The following FAM237A variants were observed in gnomAD, a reference collection of about 807,000 sequenced individuals.
FAM237A encodes family with sequence similarity 237 member A.
A neutral mutation model predicts 12.5 loss-of-function variants in FAM237A; 14 were observed. The ratio of observed to expected loss-of-function variants is 1.12; its 90% CI spans 0.74 to 1.75. The LOEUF is 1.75. Among genes scored for constraint, FAM237A ranks in the 40% most tolerant of loss-of-function variants. The probability of loss-of-function intolerance (pLI) is 0.00; values close to 1 mark genes in which losing one functional copy is unlikely to be tolerated. For synonymous variants in FAM237A, 85 were observed against 77.5 expected (o/e 1.10, Z -0.51); for missense variants, 240 against 211.7 (o/e 1.13, Z -0.83).
intron 2 of FAM237A, among the ~76,000 whole-genome samples, chr2:206,645,745 A>T (rs1397365683): frequency 6.6e-6 from 1 of 152,232 alleles, no homozygotes; most frequent in African/African-American, 2.4e-5. Context: ...CAGATAATTC[A>T]TGGCTATTAT....
chr2:206,645,075 A>G (rs1481712896), intron 2 of FAM237A, among the ~76,000 whole-genome samples: 1 of 152,214 alleles, frequency 6.6e-6, no homozygotes, highest in Non-Finnish European at 1.5e-5. Context: ...GCAGCACACA[A>G]ATTCTTGCCC....
chr2:206,645,748 G>T (rs1435752373), intron 2 of FAM237A, among the ~76,000 whole-genome samples: 4 of 152,038 alleles, frequency 2.6e-5, no homozygotes, highest in African/African-American at 9.7e-5. Flanking sequence ...ATAATTCATG[G>T]CTATTATTTA....
chr2:206,644,548 C>G lies in FAM237A; in HGVS notation c.312C>G (p.Asp104Glu). 1 of 1,613,976 alleles carries G rather than the reference C, an allele frequency of 6.2e-7. No individual in the cohort carries two copies. Among genetic ancestry groups the G allele is most frequent in the Non-Finnish European group, 8.5e-7 (1 of 1,179,884 alleles). Reference sequence around the variant, plus strand: ...AACTCTTCTGGGACATCTATGTGGACTGTGTGCTCTCTAGGAACCATGGCT... The same window carrying G: ...AACTCTTCTGGGACATCTATGTGGAGTGTGTGCTCTCTAGGAACCATGGCT... ...LAQLFWDIYV[D>E]CVLSRNHGLG... is the part of the protein sequence containing the mutation. Residue 104 changes from aspartate to glutamate, a missense_variant, in exon 2 of 3, where the codon GAC (aspartate) becomes GAG (glutamate). By Grantham distance (45) the Asp-to-Glu change is conservative (BLOSUM62 2). Coordinates refer to ENST00000441223, the MANE Select transcript of FAM237A (RefSeq NM_001102659.3).
At chr2:206,647,644 C>G (rs1038340014) in intron 2 of FAM237A, among the ~76,000 whole-genome samples, 1 of 150,904 alleles carries the variant, frequency 6.6e-6, no homozygotes, top group African/African-American at 2.5e-5. Context: ...CACACACACA[C>G]ACACACACAC....
intron 2 of FAM237A, among the ~76,000 whole-genome samples, chr2:206,646,490 C>T (rs1699319209): frequency 6.6e-6 from 1 of 152,158 alleles, no homozygotes; most frequent in Non-Finnish European, 1.5e-5. Flanking sequence ...GAGACAGCTT[C>T]AGCTTTGGAA....
Position 206,644,441 on chromosome 2 carries a change from G to T in FAM237A, c.205G>T (p.Val69Phe), listed in dbSNP as rs1371952374. 6.2e-7 allele frequency: 1 copy of T among 1,613,964 alleles called. No homozygotes were observed. The highest frequency in any genetic ancestry group is 1.7e-5 in the Admixed American group (1 of 60,022). The change falls in exon 2 of 3, where the codon GTT becomes TTT. Residue 69 changes from valine to phenylalanine, a missense_variant. By Grantham distance (50) the Val-to-Phe change is conservative (BLOSUM62 -1). Transcript: ENST00000441223. Reference sequence around the variant, plus strand: ...GTGGAAACCTCGCGTTTCCAACACTGTTTCAGGCTTCTGGGATTTTATGAT... The same window carrying T: ...GTGGAAACCTCGCGTTTCCAACACTTTTTCAGGCTTCTGGGATTTTATGAT... ...EMWKPRVSNT[V>F]SGFWDFMIYL...
intron 2 of FAM237A, among the ~76,000 whole-genome samples, chr2:206,647,740 A>G (rs1699335658): frequency 6.6e-6 from 1 of 152,020 alleles, no homozygotes; most frequent in Non-Finnish European, 1.5e-5. Flanking sequence ...AGAGTAACTC[A>G]TGGGTTAGTA....
At chr2:206,644,711 T>G in intron 2 of FAM237A, 63 bp downstream of exon 2, 2 of 1,435,554 alleles carry the variant, frequency 1.4e-6, no homozygotes, top group Non-Finnish European at 1.9e-6. Flanking sequence ...TGCTGAATTG[T>G]GAGGAAGAGG....
intron 2 of FAM237A, among the ~76,000 whole-genome samples, chr2:206,645,893 T>A (rs1206876505): frequency 1.3e-5 from 2 of 152,216 alleles, no homozygotes; most frequent in African/African-American, 4.8e-5. Context: ...GTTACCCATA[T>A]TTTTAAAATA....
chr2:206,646,883 A>G (rs79042464), intron 2 of FAM237A, among the ~76,000 whole-genome samples: 4,150 of 152,228 alleles, frequency 0.027, 81 homozygotes, highest in South Asian at 0.053. Context: ...TTGGGACGGG[A>G]GTGAAGGTGA....
At chr2:206,646,362 T>A (rs1699317956) in intron 2 of FAM237A, among the ~76,000 whole-genome samples, 1 of 152,186 alleles carries the variant, frequency 6.6e-6, no homozygotes, top group East Asian at 1.9e-4. Flanking sequence ...TATCTTTTTC[T>A]ATCTTGCACT....
intron 2 of FAM237A, among the ~76,000 whole-genome samples, chr2:206,648,073 G>T (rs147834851): frequency 6.6e-6 from 1 of 152,094 alleles, no homozygotes; most frequent in Non-Finnish European, 1.5e-5. Flanking sequence ...TCAAATGCTT[G>T]ATTTTCTACT....
chr2:206,648,837 T>A lies in FAM237A; in HGVS notation c.*43T>A. On this transcript the variant is annotated 3_prime_UTR_variant, in exon 3 of 3. Coordinates refer to ENST00000441223, the MANE Select transcript of FAM237A (RefSeq NM_001102659.3). Reference sequence around the variant, plus strand: ...TTCATGCCTTGGAATTAAATATACATATATATAACATTTTTCTTAACTATT... The same window carrying A: ...TTCATGCCTTGGAATTAAATATACAAATATATAACATTTTTCTTAACTATT... The A allele has an allele frequency of 7.3e-7, 1 of 1,377,152 alleles. No individual in the cohort carries two copies. The allele number at this position is 1,377,152 out of a possible 1,614,324, so 85.3% of individuals were successfully genotyped here. A position where few individuals can be genotyped will look rare whatever the true frequency, so the allele number is the denominator to read the frequency against.
At position 206,644,498 on chromosome 2, in the gene FAM237A, G is replaced by A. The variant is rs1699292366; in HGVS notation, c.262G>A (p.Gly88Arg). The A allele has an allele frequency of 6.2e-7, 1 of 1,614,024 alleles. No individual in the cohort carries two copies. The change falls in exon 2 of 3, where the codon GGA becomes AGA. Residue 88 changes from glycine to arginine, a missense_variant. Coordinates refer to ENST00000441223, the MANE Select transcript of FAM237A (RefSeq NM_001102659.3). ...YLKSSENLKHGALFWDLAQLF... is the reference protein window; with the variant it reads ...YLKSSENLKHRALFWDLAQLF... ...GAAGTCATCTGAGAACTTGAAGCAT[G>A]GAGCACTGTTTTGGGATCTGGCCCA...
chr2:206,644,679 A>G, intron 2 of FAM237A, 31 bp downstream of exon 2: 1 of 1,513,954 alleles, frequency 6.6e-7, no homozygotes, highest in Non-Finnish European at 8.8e-7. Context: ...TGTCTTTTGA[A>G]AGGGTCAATC....
chr2:206,643,887 A>C (rs186436066), intron 1 of FAM237A, among the ~76,000 whole-genome samples: 1 of 152,364 alleles, frequency 6.6e-6, no homozygotes, highest in East Asian at 1.9e-4. Flanking sequence ...GCCATGCAGC[A>C]AAATTTTAAA....
At chr2:206,643,367 C>T (rs1339599504) in intron 1 of FAM237A, 1 of 151,984 alleles carries the variant, frequency 6.6e-6, no homozygotes, top group Non-Finnish European at 1.5e-5. Flanking sequence ...AAAAAGTGAA[C>T]ATTTGGGTTA....
Position 206,644,270 on chromosome 2 carries a change from C to T in FAM237A, c.34C>T (p.Arg12Cys), listed in dbSNP as rs376047346. Residue 12 changes from arginine to cysteine, a missense_variant, in exon 2 of 3, where the codon CGC becomes TGC. Physicochemically the swap from Arg to Cys is radical, Grantham distance 180 (BLOSUM62 -3). Transcript: ENST00000441223. Reference protein sequence around the residue: ...ADPGNRGGIHRPLSFTCSLLI... With the variant: ...ADPGNRGGIHCPLSFTCSLLI... Reference sequence around the variant, plus strand: ...TCCTGGGAACAGAGGAGGGATCCACCGCCCCTTGAGCTTCACCTGCTCCCT... The same window carrying T: ...TCCTGGGAACAGAGGAGGGATCCACTGCCCCTTGAGCTTCACCTGCTCCCT... 16 of 1,609,078 alleles carry T rather than the reference C, an allele frequency of 9.9e-6. No homozygotes were observed. Among genetic ancestry groups the T allele is most frequent in the Middle Eastern group, 3.3e-4 (2 of 6,032 alleles).
At chr2:206,647,360 G>A (rs775909595) in intron 2 of FAM237A, among the ~76,000 whole-genome samples, 1 of 152,152 alleles carries the variant, frequency 6.6e-6, no homozygotes, top group Non-Finnish European at 1.5e-5. Flanking sequence ...ACCGTTGACT[G>A]AGCTGGATGA....
Sources: allele counts gnomAD v4.1 joint callset (sites outside exome capture counted in the v4.1 genomes callset), GRCh38; gene constraint gnomAD v4.1.1; transcripts MANE v1.5; gene names NCBI Gene and HGNC (gene_info 2026-07-23, HGNC 2026-07-21).